IL1RL1: variants seen among roughly 807,000 people sequenced by gnomAD.
IL1RL1 encodes the protein interleukin-1 receptor-like 1.
A neutral mutation model predicts 50.9 loss-of-function variants in IL1RL1; 32 were observed. That is an observed-to-expected ratio of 0.63 (90% CI 0.47 to 0.84). IL1RL1 has a LOEUF of 0.84. IL1RL1 is among the 40% of genes least tolerant of loss of function. The pLI is 0.00. For missense variants in IL1RL1, 773 were observed against 662.9 expected (o/e 1.17, Z -1.82); for synonymous variants, 275 against 236.0 (o/e 1.17, Z -1.51).
chr2:102,340,906 G>T (rs921630959), intron 5 of IL1RL1, 78 bp downstream of exon 5: 2 of 1,174,512 alleles, frequency 1.7e-6, no homozygotes, highest in Admixed American at 5.8e-5. Flanking sequence ...TTCTGGTTGG[G>T]TTTCTTGCAC....
At chr2:102,320,502 C>A (rs532477817) in intron 1 of IL1RL1, among the ~76,000 whole-genome samples, 1 of 152,112 alleles carries the variant, frequency 6.6e-6, no homozygotes. Flanking sequence ...CCCAATATGT[C>A]TCCTGAATTT....
At chr2:102,352,041 T>C (rs1263613688), downstream of IL1RL1, 1 of 1,035,150 alleles carries the variant, frequency 9.7e-7, no homozygotes, top group Non-Finnish European at 1.4e-6. Context: ...AGGCCTCAGG[T>C]TTCATCTGGT....
Position 102,339,063 on chromosome 2 carries a change from C to T in IL1RL1, c.272+16C>T. The T allele has an allele frequency of 6.4e-7, 1 of 1,571,878 alleles. No homozygotes were observed. The highest frequency in any genetic ancestry group is 8.8e-7 in the Non-Finnish European group (1 of 1,141,844). On this transcript the variant is annotated intron_variant, in intron 3 of 10. Transcript: ENST00000233954. ...TTGTCAGAAGGTATTATGCAGAAGG[C>T]TCCCATCTTCTTTCACCCTGCTCCC...
At chr2:102,350,390 C>T (rs951010682) in intron 10 of IL1RL1, among the ~76,000 whole-genome samples, 14 of 152,248 alleles carry the variant, frequency 9.2e-5, no homozygotes, top group African/African-American at 3.4e-4. Flanking sequence ...CACACTCAAG[C>T]TTGTGCTGCC....
At chr2:102,341,440 C>G (rs1435200165) in intron 5 of IL1RL1, 1 of 680,978 alleles carries the variant, frequency 1.5e-6, no homozygotes. Context: ...ATTTCACAAT[C>G]ATAGCTTATC....
At chr2:102,322,115 G>T (rs891356668) in intron 1 of IL1RL1, among the ~76,000 whole-genome samples, 2 of 152,206 alleles carry the variant, frequency 1.3e-5, no homozygotes, top group African/African-American at 4.8e-5. Flanking sequence ...CTGGCAGACT[G>T]GAAATTCAGA....
chr2:102,349,271 G>A, intron 10 of IL1RL1, 25 bp downstream of exon 10: 1 of 1,601,962 alleles, frequency 6.2e-7, no homozygotes, highest in Non-Finnish European at 8.6e-7. Flanking sequence ...ATACATTAGG[G>A]ACAGAAATTC....
intron 1 of IL1RL1, among the ~76,000 whole-genome samples, chr2:102,317,129 T>C (rs1021611459): frequency 2.7e-4 from 41 of 152,084 alleles, no homozygotes; most frequent in African/African-American, 9.4e-4. Context: ...CCGAGGCAGG[T>C]GGATCATGAG....
chr2:102,311,945 T>A lies in IL1RL1; in HGVS notation c.-150+322T>A, dbSNP rs13029428. 4.1e-4 allele frequency among the ~76,000 whole-genome samples: 14 copies of A among 34,098 alleles called. 1 individual carries two copies. Among genetic ancestry groups the A allele is most frequent in the South Asian group, 5.7e-4 (1 of 1,760 alleles). 22.4% of individuals were successfully genotyped at this position (34,098 alleles called of 152,430 possible). ...ATATAATATATATTATATATAATAT[T>A]ATATATAATATATATTATATATAAT... On this transcript the variant is annotated intron_variant, in intron 1 of 10. Transcript: ENST00000233954.
intron 1 of IL1RL1, among the ~76,000 whole-genome samples, chr2:102,318,558 T>C (rs1174980808): frequency 6.6e-6 from 1 of 152,102 alleles, no homozygotes; most frequent in East Asian, 1.9e-4. Context: ...GAACCTGAAG[T>C]TCAGGGGAAA....
intron 1 of IL1RL1, among the ~76,000 whole-genome samples, chr2:102,312,565 A>T (rs1208687308): frequency 1.3e-5 from 2 of 152,138 alleles, no homozygotes; most frequent in African/African-American, 4.8e-5. Context: ...AGATGAAGGA[A>T]AAAAACAAAA....
At chr2:102,340,938 CCTCCTG>C in intron 5 of IL1RL1, 110 bp downstream of exon 5, 1 of 809,970 alleles carries the variant, frequency 1.2e-6, no homozygotes, top group South Asian at 2.1e-5. Context: ...CCCTTTACTT[CCTCCTG>C]CTCCATCTTA....
chr2:102,325,531 G>T, intron 1 of IL1RL1, among the ~76,000 whole-genome samples: 1 of 152,124 alleles, frequency 6.6e-6, no homozygotes, highest in East Asian at 1.9e-4. Context: ...AGAGAAGAAG[G>T]CTTCAGATGA....
rs936273507 is a variant in IL1RL1, at chr2:102,351,968, C to T, written c.*47C>T. 1 of 1,540,884 alleles carries T rather than the reference C, an allele frequency of 6.5e-7. No homozygotes were observed. The highest frequency in any genetic ancestry group is 1.4e-5 in the African/African-American group (1 of 72,494). On this transcript the variant is annotated 3_prime_UTR_variant, in exon 11 of 11. Coordinates refer to ENST00000233954, the MANE Select transcript of IL1RL1 (RefSeq NM_016232.5). ...GCATCTGAGTTTGAAGCTTTCCTGACTTCTCCTAGCTGGCTTATGCCCCTG... is the reference window on the plus strand; with the variant it reads ...GCATCTGAGTTTGAAGCTTTCCTGATTTCTCCTAGCTGGCTTATGCCCCTG...
rs1677430843 is a variant in IL1RL1, at chr2:102,338,872, A to C, written c.97A>C (p.Ile33Leu). 5.0e-6 allele frequency: 8 copies of C among 1,613,566 alleles called. No homozygotes were observed. The highest frequency in any genetic ancestry group is 2.2e-5 in the East Asian group (1 of 44,884). Residue 33 changes from isoleucine (I) to leucine (L), a missense_variant, in exon 3 of 11, where the codon ATT becomes CTT. Ile to Leu is a conservative substitution (Grantham distance 5). Transcript: ENST00000233954. The part of the protein sequence containing the change: ...QSWGLENEAL[I>L]VRCPRQGKPS... ...ATGGGGCCTGGAAAATGAGGCTTTA[A>C]TTGTAAGATGTCCTAGACAAGGAAA...
rs369745219 is a variant in IL1RL1, at chr2:102,351,819, G to A, written c.1569G>A (p.Leu523=). 5.6e-6 allele frequency: 9 copies of A among 1,613,922 alleles called. No homozygotes were observed. Among genetic ancestry groups the A allele is most frequent in the Non-Finnish European group, 7.6e-6 (9 of 1,179,958 alleles). The change falls in exon 11 of 11, where the codon CTG becomes CTA. Residue 523 remains leucine (L), a synonymous_variant. Coordinates refer to ENST00000233954, the MANE Select transcript of IL1RL1 (RefSeq NM_016232.5). The part of the protein sequence containing the change: ...REDHIANKRS[L]NSKFWKHVRY... ...ACCACATTGCCAATAAAAGGTCCCT[G>A]AATTCTAAATTCTGGAAGCACGTGA...
At chr2:102,314,111 G>C (rs1447159725) in intron 1 of IL1RL1, among the ~76,000 whole-genome samples, 1 of 151,776 alleles carries the variant, frequency 6.6e-6, no homozygotes, top group Non-Finnish European at 1.5e-5. Flanking sequence ...AACTTGTCTG[G>C]GATGTATTTG....
intron 1 of IL1RL1, among the ~76,000 whole-genome samples, chr2:102,320,621 T>C (rs1676807735): frequency 6.6e-6 from 1 of 152,100 alleles, no homozygotes; most frequent in African/African-American, 2.4e-5. Context: ...CTAAAACCTA[T>C]ACCACCTGCC....
At position 102,311,574 on chromosome 2, in the gene IL1RL1, CTG is replaced by C. The variant is rs1189034172; in HGVS notation, c.-196_-195del. 1 of 151,076 alleles carries C rather than the reference CTG, an allele frequency of 6.6e-6. No homozygotes were observed. Among genetic ancestry groups the C allele is most frequent in the Non-Finnish European group, 1.5e-5 (1 of 67,884 alleles). The allele number at this position is 151,076 out of a possible 1,614,324, so 9.4% of individuals were successfully genotyped here. ...GAAATTGGCTTTCTGAGTTGTGAAACTGTGGGCAGAAAGTTGAGGAAGAAAGA... is the reference window on the plus strand; with the variant it reads ...GAAATTGGCTTTCTGAGTTGTGAAACTGGGCAGAAAGTTGAGGAAGAAAGA... On this transcript the variant is annotated 5_prime_UTR_variant, in exon 1 of 11. Transcript: ENST00000233954.
Sources: allele counts gnomAD v4.1 joint callset (sites outside exome capture counted in the v4.1 genomes callset), GRCh38; gene constraint gnomAD v4.1.1; transcripts MANE v1.5; gene names NCBI Gene and HGNC (gene_info 2026-07-23, HGNC 2026-07-21).